The following ZNF547 variants were observed in gnomAD, a reference collection of about 807,000 sequenced individuals.
ZNF547 encodes the protein zinc finger protein 547.
A neutral mutation model predicts 7.7 loss-of-function variants in ZNF547; 4 were observed. The observed-to-expected ratio is 0.52, with a 90% CI of 0.26 to 1.20. The LOEUF (loss-of-function observed/expected upper bound fraction) is 1.20, where lower values mean the gene tolerates loss of function less well. Among genes scored for constraint, ZNF547 ranks in the 50% most tolerant of loss-of-function variants. The probability of loss-of-function intolerance (pLI) is 0.14; values close to 1 mark genes in which losing one functional copy is unlikely to be tolerated. For missense variants in ZNF547, 449 were observed against 485.8 expected, an observed-to-expected ratio of 0.92 and a Z score of 0.71; for synonymous variants, 166 against 166.2, an observed-to-expected ratio of 1.00 and a Z score of 0.01.
intron 1 of ZNF547, among the ~76,000 whole-genome samples, chr19:57,365,770 G>A (rs189052297): frequency 8.0e-4 from 121 of 151,516 alleles, no homozygotes; most frequent in African/African-American, 2.9e-3. Flanking sequence ...GCCTCCCAAA[G>A]TGCTGGGATT....
chr19:57,367,185 A>G (rs1338785182), intron 1 of ZNF547, among the ~76,000 whole-genome samples: 1 of 152,202 alleles, frequency 6.6e-6, no homozygotes, highest in African/African-American at 2.4e-5. Context: ...CCTTTTAGGC[A>G]ATACACCAGA....
Position 57,378,237 on chromosome 19 carries a change from G to A in ZNF547, c.*52G>A, listed in dbSNP as rs1568527496. ...GAAAGCCTTCAGTCACCAACATATT[G>A]TGGCTGGACAGCAGGCAGTACACAC... On this transcript the variant is annotated 3_prime_UTR_variant, in exon 4 of 4. Transcript: ENST00000282282. 3 of 1,518,616 alleles carry A rather than the reference G, an allele frequency of 2.0e-6. No individual in the cohort carries two copies. Among genetic ancestry groups the A allele is most frequent in the Non-Finnish European group, 2.7e-6 (3 of 1,115,514 alleles). The allele number at this position is 1,518,616 out of a possible 1,614,324, so 94.1% of individuals were successfully genotyped here.
intron 1 of ZNF547, among the ~76,000 whole-genome samples, chr19:57,367,303 T>TG (rs1054093336): frequency 1.3e-5 from 2 of 152,186 alleles, no homozygotes; most frequent in African/African-American, 4.8e-5. Flanking sequence ...TGGGAGCACT[T>TG]GAACAATTTT....
intron 3 of ZNF547, among the ~76,000 whole-genome samples, chr19:57,376,355 C>G (rs1032584829): frequency 3.3e-4 from 50 of 151,980 alleles, no homozygotes; most frequent in African/African-American, 1.1e-3. Flanking sequence ...CAGACCAAAC[C>G]GAGGGTGGGG....
At chr19:57,366,082 C>T (rs1360788668) in intron 1 of ZNF547, among the ~76,000 whole-genome samples, 1 of 151,900 alleles carries the variant, frequency 6.6e-6, no homozygotes, top group African/African-American at 2.4e-5. Flanking sequence ...TCAGGCTGGT[C>T]TTGAACTCCT....
At chr19:57,365,014 T>C (rs777296791) in intron 1 of ZNF547, 11 of 1,612,504 alleles carry the variant, frequency 6.8e-6, no homozygotes, top group Non-Finnish European at 9.3e-6. Context: ...CAACATGTAC[T>C]TGAAAACTGT....
intron 3 of ZNF547, among the ~76,000 whole-genome samples, chr19:57,376,015 T>C (rs2088534279): frequency 6.6e-6 from 1 of 151,890 alleles, no homozygotes; most frequent in African/African-American, 2.4e-5. Flanking sequence ...ATACAATAAT[T>C]AGCCAGGCGT....
In ZNF547 at chr19:57,371,811, A is replaced by G. The variant is rs2088506352; in HGVS notation, c.54A>G (p.Ile18Met). The change falls in exon 3 of 4, where the codon ATA becomes ATG. Residue 18 changes from isoleucine (I) to methionine (M), a missense_variant. Transcript: ENST00000282282. ...ATGTGGTTTTTGAAGACGTGGCCATATATTTCTCCCAGGAGGAGTGGGGGC... is the reference window on the plus strand; with the variant it reads ...ATGTGGTTTTTGAAGACGTGGCCATGTATTTCTCCCAGGAGGAGTGGGGGC... ...QGHVVFEDVA[I>M]YFSQEEWGHL... is the part of the protein sequence containing the mutation. 6.2e-7 allele frequency: 1 copy of G among 1,613,264 alleles called. No individual in the cohort carries two copies. Among genetic ancestry groups the G allele is most frequent in the Non-Finnish European group, 8.5e-7 (1 of 1,179,724 alleles).
rs1432896749 is a variant in ZNF547 at position 57,364,956 on chromosome 19, A to G, written c.-13+1253A>G. On this transcript the variant is annotated intron_variant, in intron 1 of 3. Transcript: ENST00000282282. ...ACCATCGTCATCTGAACCAGTTCAT[A>G]GCTCATGCTGCTCTCGACCTCGTAG... The G allele has an allele frequency of 3.1e-6, 5 of 1,613,158 alleles. No homozygotes were observed. In the Middle Eastern group the frequency reaches 5.0e-4, roughly 160 times the overall value.
intron 1 of ZNF547, among the ~76,000 whole-genome samples, chr19:57,367,451 A>G (rs1031706833): frequency 2.0e-5 from 3 of 150,226 alleles, no homozygotes; most frequent in Non-Finnish European, 4.4e-5. Context: ...AAAAAAGAAT[A>G]GAGGGTGTAG....
chr19:57,373,677 G>A (rs1475056470), intron 3 of ZNF547, among the ~76,000 whole-genome samples: 1 of 152,098 alleles, frequency 6.6e-6, no homozygotes, highest in Non-Finnish European at 1.5e-5. Flanking sequence ...GGAAGAAATG[G>A]GCCAAAACAA....
intron 2 of ZNF547, 93 bp from the exon 3 acceptor site, chr19:57,371,689 A>ATGGG: frequency 2.0e-6 from 3 of 1,513,388 alleles, no homozygotes. Context: ...CCTGTGTTTA[A>ATGGG]TGGGTGGTAA....
At chr19:57,373,439 C>T (rs1359652335) in intron 3 of ZNF547, among the ~76,000 whole-genome samples, 2 of 151,658 alleles carry the variant, frequency 1.3e-5, no homozygotes, top group Admixed American at 6.6e-5. Flanking sequence ...CCCCGGCCCC[C>T]CCCACCCAAT....
At chr19:57,367,510 AT>A (rs2051672505) in intron 1 of ZNF547, among the ~76,000 whole-genome samples, 1 of 151,704 alleles carries the variant, frequency 6.6e-6, no homozygotes, top group Admixed American at 6.6e-5. Flanking sequence ...TCTAAAGGTC[AT>A]TGCCTGCAAG....
At chr19:57,364,799 C>T (rs755900858) in intron 1 of ZNF547, 22 of 1,537,628 alleles carry the variant, frequency 1.4e-5, no homozygotes, top group East Asian at 4.6e-5. Flanking sequence ...TTTCCGTTGT[C>T]GGCCTCCCGC....
intron 3 of ZNF547, 82 bp from the exon 4 acceptor site, chr19:57,377,046 G>T: frequency 7.4e-7 from 1 of 1,357,790 alleles, no homozygotes; most frequent in Admixed American, 2.2e-5. Context: ...ATTTTCATGG[G>T]GTGTCTGACT....
chr19:57,364,807 C>G, intron 1 of ZNF547: 1 of 1,566,566 alleles, frequency 6.4e-7, no homozygotes, highest in Non-Finnish European at 8.7e-7. Context: ...GTCGGCCTCC[C>G]GCTGCAGGAG....
chr19:57,377,828 T>C lies in ZNF547; in HGVS notation c.852T>C (p.Phe284=), dbSNP rs575737996. 14 of 1,614,070 alleles carry C rather than the reference T, an allele frequency of 8.7e-6. No homozygotes were observed. The South Asian group carries it at 8.8e-5, about 10-fold the overall frequency. ...GKFFKCNSNL[F]RHYRIHTGKR... is the part of the protein sequence containing the mutation. ...TCTTTAAGTGCAACTCAAACCTCTT[T>C]AGGCATTACAGAATTCATACAGGAA... Residue 284 remains phenylalanine (F), a synonymous_variant, in exon 4 of 4, where the codon TTT becomes TTC. Transcript: ENST00000282282.
chr19:57,365,705 C>T lies in ZNF547; in HGVS notation c.-13+2002C>T, dbSNP rs531870549. On this transcript the variant is annotated intron_variant, in intron 1 of 3. Coordinates refer to ENST00000282282, the MANE Select transcript of ZNF547 (RefSeq NM_173631.4). ...TGTATTTTTAGTAGAGACGGAGTTT[C>T]GCCATGTTGGTCAGGCTGGTCTTGA... is the stretch of plus-strand genomic sequence containing the variant. Among the ~76,000 whole-genome samples, 25 of 151,958 alleles carry T rather than the reference C, an allele frequency of 1.6e-4. No homozygotes were observed. The East Asian group carries it at 3.3e-3, about 20-fold the overall frequency.
Sources: gnomAD v4.1 joint callset for allele counts (sites outside exome capture counted in the v4.1 genomes callset) on GRCh38, gnomAD v4.1.1 for gene constraint, MANE v1.5 for transcripts, NCBI Gene and HGNC (gene_info 2026-07-23, HGNC 2026-07-21) for gene names.